The following IGSF5 variants were observed in gnomAD, a reference collection of about 807,000 sequenced individuals.
IGSF5 encodes the protein immunoglobulin superfamily member 5, also known as immunoglobulin superfamily 5 like.
In IGSF5, 41 loss-of-function variants were observed where a neutral mutation model predicts 39.4. That is an observed-to-expected ratio of 1.04 (90% CI 0.81 to 1.35). IGSF5 has a LOEUF of 1.35. IGSF5 is among the 40% of genes most tolerant of loss of function. The pLI is 0.00. For missense variants in IGSF5, 487 were observed against 494.6 expected, an observed-to-expected ratio of 0.98 and a Z score of 0.15; for synonymous variants, 183 against 175.3, an observed-to-expected ratio of 1.04 and a Z score of -0.34.
At chr21:39,754,689 G>T (rs975876117) in intron 2 of IGSF5, among the ~76,000 whole-genome samples, 7 of 152,180 alleles carry the variant, frequency 4.6e-5, no homozygotes, top group Admixed American at 2.6e-4. Context: ...TCAACTAAGT[G>T]TAGGTAATTC....
At chr21:39,736,038 C>T in the IGSF5 span, among the ~76,000 whole-genome samples, 1 of 145,794 alleles carries the variant, frequency 6.9e-6, no homozygotes, top group Admixed American at 7.3e-5. Context: ...TCGTCTAAGA[C>T]CACCCCTCAC....
chr21:39,731,893 T>C, the IGSF5 span, among the ~76,000 whole-genome samples: 1 of 152,190 alleles, frequency 6.6e-6, no homozygotes, highest in Non-Finnish European at 1.5e-5. Flanking sequence ...TATTTGCCAA[T>C]GGAAAACTAA....
chr21:39,790,358 A>G (rs2086956592), intron 6 of IGSF5, among the ~76,000 whole-genome samples: 1 of 152,118 alleles, frequency 6.6e-6, no homozygotes, highest in Non-Finnish European at 1.5e-5. Flanking sequence ...GGTTGGGACC[A>G]TTACAAACAC....
At position 39,797,657 on chromosome 21, in the gene IGSF5, C is replaced by T. The variant is rs747352504; in HGVS notation, c.1129-3605C>T. Among the ~76,000 whole-genome samples, 7 of 152,124 alleles carry T rather than the reference C, an allele frequency of 4.6e-5. No individual in the cohort carries two copies. The East Asian group carries it at 5.8e-4, about 13-fold the overall frequency. ...TCAGCCTTCCGGAGAGCTAGGACTA[C>T]GGGCACTTGCTGCCATGCCTAGCTA... On this transcript the variant is annotated intron_variant, in intron 8 of 8. Transcript: ENST00000380588.
intron 2 of IGSF5, among the ~76,000 whole-genome samples, chr21:39,759,703 A>G (rs996685244): frequency 4.0e-5 from 6 of 151,684 alleles, no homozygotes; most frequent in African/African-American, 1.5e-4. Flanking sequence ...TATCTCTACT[A>G]AAAAATACAA....
upstream of IGSF5, among the ~76,000 whole-genome samples, chr21:39,744,595 C>G (rs370267974): frequency 9.2e-5 from 14 of 152,246 alleles, no homozygotes; most frequent in East Asian, 3.9e-4. Context: ...TAGGTCTGGT[C>G]GGACCTTTGT....
the IGSF5 span, among the ~76,000 whole-genome samples, chr21:39,736,192 C>A: frequency 6.6e-6 from 1 of 152,126 alleles, no homozygotes; most frequent in Non-Finnish European, 1.5e-5. Context: ...CTCATCCTAC[C>A]CACTTAATGC....
At chr21:39,723,813 T>A in the IGSF5 span, among the ~76,000 whole-genome samples, 2 of 152,212 alleles carry the variant, frequency 1.3e-5, no homozygotes, top group Non-Finnish European at 2.9e-5. Context: ...AGAAATTAGC[T>A]GTTGATTACA....
intron 8 of IGSF5, among the ~76,000 whole-genome samples, chr21:39,794,911 G>C (rs892298690): frequency 6.6e-6 from 1 of 152,166 alleles, no homozygotes; most frequent in African/African-American, 2.4e-5. Context: ...ATTCAGCTCA[G>C]TAACCTACAT....
chr21:39,783,644 G>T (rs1236850482), intron 5 of IGSF5, among the ~76,000 whole-genome samples: 2 of 152,100 alleles, frequency 1.3e-5, no homozygotes, highest in African/African-American at 4.8e-5. Flanking sequence ...TGAATAGTTT[G>T]CAAATATTTC....
intron 2 of IGSF5, 25 bp downstream of exon 2, chr21:39,746,323 G>A (rs962227007): frequency 7.1e-6 from 5 of 700,122 alleles, no homozygotes; most frequent in African/African-American, 1.7e-5. Flanking sequence ...AGCTCGAGCC[G>A]TAACAAACAC....
At chr21:39,740,398 C>T (rs969364735), upstream of IGSF5, among the ~76,000 whole-genome samples, 1 of 152,194 alleles carries the variant, frequency 6.6e-6, no homozygotes, top group African/African-American at 2.4e-5. Context: ...TAGGTGTTCC[C>T]TCAGAAGTTA....
intron 4 of IGSF5, among the ~76,000 whole-genome samples, chr21:39,777,035 A>C (rs2080145037): frequency 6.6e-6 from 1 of 152,136 alleles, no homozygotes; most frequent in Non-Finnish European, 1.5e-5. Flanking sequence ...GTGGGACAGG[A>C]GTTGTTATTG....
At position 39,801,596 on chromosome 21, in the gene IGSF5, A is replaced by G; in HGVS notation, c.*239A>G. On this transcript the variant is annotated 3_prime_UTR_variant, in exon 9 of 9. Transcript: ENST00000380588. ...TTTTTGTGAATTCCATGAAGTTACT[A>G]AGTAAAAGCTGCAAATTCATCATAA... The G allele has an allele frequency of 2.6e-6, 1 of 378,808 alleles. No homozygotes were observed. The highest frequency in any genetic ancestry group is 3.9e-5 in the East Asian group (1 of 25,460). The allele number at this position is 378,808 out of a possible 1,614,324, so 23.5% of individuals were successfully genotyped here. A position where few individuals can be genotyped will look rare whatever the true frequency, so the allele number is the denominator to read the frequency against.
At chr21:39,763,884 G>A (rs1569251261) in intron 2 of IGSF5, among the ~76,000 whole-genome samples, 1 of 152,288 alleles carries the variant, frequency 6.6e-6, no homozygotes, top group Non-Finnish European at 1.5e-5. Flanking sequence ...CATTTCTCAC[G>A]CTTAAAACAA....
upstream of IGSF5, among the ~76,000 whole-genome samples, chr21:39,744,523 G>GT (rs1477020016): frequency 6.6e-6 from 1 of 152,000 alleles, no homozygotes; most frequent in Non-Finnish European, 1.5e-5. Flanking sequence ...TACCCATTGT[G>GT]TTTTTTACCT....
the IGSF5 span, among the ~76,000 whole-genome samples, chr21:39,739,162 T>C: frequency 6.6e-6 from 1 of 152,062 alleles, no homozygotes; most frequent in Admixed American, 6.5e-5. Context: ...ACTCCTGACC[T>C]CAAGTGATCC....
At chr21:39,726,064 G>A in the IGSF5 span, 1 of 152,182 alleles carries the variant, frequency 6.6e-6, no homozygotes, top group Non-Finnish European at 1.5e-5. Context: ...ACAAGAGATG[G>A]GGCTTGTGAT....
the IGSF5 span, among the ~76,000 whole-genome samples, chr21:39,713,719 G>C: frequency 2.0e-5 from 3 of 152,202 alleles, no homozygotes; most frequent in Non-Finnish European, 4.4e-5. Flanking sequence ...AGAGAAGTCT[G>C]CTGGGCCTTG....
Sources: gnomAD v4.1 joint callset for allele counts (sites outside exome capture counted in the v4.1 genomes callset) on GRCh38, gnomAD v4.1.1 for gene constraint, MANE v1.5 for transcripts, NCBI Gene and HGNC (gene_info 2026-07-23, HGNC 2026-07-21) for gene names.